Variants in ELF2 observed in about 807,000 individuals in gnomAD.
ELF2 encodes E74 like ETS transcription factor 2.
In ELF2, 11 loss-of-function variants were observed where a neutral mutation model predicts 54.8. The ratio of observed to expected loss-of-function variants is 0.20; its 90% CI spans 0.13 to 0.33. The LOEUF is 0.33. Among genes scored for constraint, ELF2 ranks in the 10% least tolerant of loss-of-function variants. The pLI is 1.00. For synonymous variants in ELF2, 203 were observed against 245.1 expected (o/e 0.83, Z 1.61); for missense variants, 513 against 703.0 (o/e 0.73, Z 3.06).
chr4:139,087,330 G>A (rs554029844), intron 4 of ELF2, among the ~76,000 whole-genome samples: 20 of 152,282 alleles, frequency 1.3e-4, no homozygotes, highest in Non-Finnish European at 2.5e-4. Flanking sequence ...ATCAAGGCTG[G>A]TCATCAACTC....
intron 6 of ELF2, among the ~76,000 whole-genome samples, chr4:139,071,138 T>C (rs908618409): frequency 1.3e-5 from 2 of 152,158 alleles, no homozygotes; most frequent in Admixed American, 6.5e-5. Flanking sequence ...GTGGAAATGC[T>C]CTTTACCCAC....
intron 3 of ELF2, among the ~76,000 whole-genome samples, chr4:139,135,631 GAATT>G (rs1472087864): frequency 3.3e-5 from 5 of 152,194 alleles, no homozygotes; most frequent in African/African-American, 1.2e-4. Context: ...GTTAAGTGGT[GAATT>G]AATATTAGTC....
At chr4:139,114,469 T>C (rs1202000187) in intron 4 of ELF2, among the ~76,000 whole-genome samples, 1 of 151,558 alleles carries the variant, frequency 6.6e-6, no homozygotes, top group Admixed American at 6.6e-5. Flanking sequence ...CTCAGGAGGC[T>C]GAGGCAGGAG....
intron 4 of ELF2, among the ~76,000 whole-genome samples, chr4:139,105,325 C>T (rs998289818): frequency 1.3e-5 from 2 of 152,026 alleles, no homozygotes; most frequent in Non-Finnish European, 2.9e-5. Context: ...AGAGACTTTG[C>T]CTTTCTTGTC....
chr4:139,061,545 AAAAC>A (rs1727858926), intron 8 of ELF2, among the ~76,000 whole-genome samples: 3 of 152,226 alleles, frequency 2.0e-5, no homozygotes, highest in Admixed American at 6.5e-5. Flanking sequence ...TAAAAACTAA[AAAAC>A]AAACTAACTT....
At chr4:139,088,292 A>T (rs2148749683) in intron 4 of ELF2, among the ~76,000 whole-genome samples, 1 of 151,940 alleles carries the variant, frequency 6.6e-6, no homozygotes, top group East Asian at 1.9e-4. Flanking sequence ...TCTAAAAAAA[A>T]AAAAAAAAAA....
At chr4:139,078,641 A>G (rs1309345886) in intron 4 of ELF2, among the ~76,000 whole-genome samples, 1 of 151,736 alleles carries the variant, frequency 6.6e-6, no homozygotes, top group Non-Finnish European at 1.5e-5. Context: ...GAGATCAGCC[A>G]GAAATTAAGT....
chr4:139,103,668 T>C (rs972515830), intron 4 of ELF2, among the ~76,000 whole-genome samples: 1 of 152,212 alleles, frequency 6.6e-6, no homozygotes, highest in Admixed American at 6.5e-5. Flanking sequence ...GGTAAATGTG[T>C]TTCTCAGAGG....
chr4:139,155,249 C>T (rs1369251169), intron 1 of ELF2: 1 of 151,788 alleles, frequency 6.6e-6, no homozygotes, highest in African/African-American at 2.4e-5. Context: ...CTACGCCAAT[C>T]ATATATCAAC....
chr4:139,119,036 AAAC>A (rs1422401201), intron 4 of ELF2, among the ~76,000 whole-genome samples: 4 of 152,216 alleles, frequency 2.6e-5, no homozygotes, highest in Non-Finnish European at 5.9e-5. Context: ...AAACAAAACA[AAAC>A]AAAACTCAGA....
chr4:139,110,756 G>A (rs1013633158), intron 4 of ELF2, among the ~76,000 whole-genome samples: 2 of 152,124 alleles, frequency 1.3e-5, no homozygotes, highest in Non-Finnish European at 2.9e-5. Context: ...ATGAGAACTT[G>A]TCACTAATAG....
At chr4:139,123,439 C>A (rs1400208626) in intron 4 of ELF2, among the ~76,000 whole-genome samples, 4 of 152,028 alleles carry the variant, frequency 2.6e-5, no homozygotes, top group Admixed American at 2.6e-4. Flanking sequence ...ATATCATTAC[C>A]CTCAGAGTTC....
chr4:139,123,466 T>TA (rs1736602541), intron 4 of ELF2, among the ~76,000 whole-genome samples: 1 of 152,060 alleles, frequency 6.6e-6, no homozygotes, highest in South Asian at 2.1e-4. Context: ...ACTAAGAAAA[T>TA]AAAATCCCTT....
intron 3 of ELF2, among the ~76,000 whole-genome samples, chr4:139,128,524 C>CT (rs572395535): frequency 0.014 from 2,008 of 139,886 alleles, 14 homozygotes; most frequent in Non-Finnish European, 0.016. Context: ...TATTTTTTTG[C>CT]TTTTTTTTTT....
intron 4 of ELF2, among the ~76,000 whole-genome samples, chr4:139,085,497 A>G (rs533535482): frequency 6.6e-4 from 100 of 152,328 alleles, no homozygotes; most frequent in African/African-American, 2.1e-3. Context: ...TATTAATGCG[A>G]TATCATCTTA....
rs1272386377 is a variant in ELF2, at chr4:139,057,607, C to G, written c.*1376G>C. On this transcript the variant is annotated 3_prime_UTR_variant, in exon 10 of 10. Transcript: ENST00000686138. ...GAAACAAATGGTTTAAAGTGTTTTA[C>G]AAATATAAATTCTTTAAGTGCAGCC... 2 of 152,050 alleles carry G rather than the reference C, an allele frequency of 1.3e-5. No individual in the cohort carries two copies. Among genetic ancestry groups the G allele is most frequent in the African/African-American group, 2.4e-5 (1 of 41,396 alleles). 9.4% of individuals were successfully genotyped at this position (152,050 alleles called of 1,614,324 possible). A position where few individuals can be genotyped will look rare whatever the true frequency, so the allele number is the denominator to read the frequency against.
Position 139,058,307 on chromosome 4 carries a change from CACAA to C in ELF2, c.*672_*675del, listed in dbSNP as rs1380306034. On this transcript the variant is annotated 3_prime_UTR_variant, in exon 10 of 10. Transcript: ENST00000686138. The stretch of plus-strand genomic sequence containing the variant: ...TTTTTCTTTTAATAAAAAAGCTTTA[CACAA>C]ACAAGCCATTAGCTTATTTCAAGAA... 6 of 151,334 alleles carry C rather than the reference CACAA, an allele frequency of 4.0e-5. No individual in the cohort carries two copies. The highest frequency in any genetic ancestry group is 2.0e-4 in the Admixed American group (3 of 15,190). 9.4% of individuals were successfully genotyped at this position (151,334 alleles called of 1,614,324 possible).
chr4:139,093,639 C>G (rs186044823), intron 4 of ELF2, among the ~76,000 whole-genome samples: 4 of 152,180 alleles, frequency 2.6e-5, no homozygotes, highest in Admixed American at 6.5e-5. Flanking sequence ...ATCAACTGAC[C>G]ATATTAATAG....
chr4:139,119,657 A>T (rs1436328421), intron 4 of ELF2, among the ~76,000 whole-genome samples: 1 of 152,190 alleles, frequency 6.6e-6, no homozygotes, highest in East Asian at 1.9e-4. Flanking sequence ...CGGGTACCTT[A>T]TATTTGCCTA....
Sources: gnomAD v4.1 joint callset for allele counts (sites outside exome capture counted in the v4.1 genomes callset) on GRCh38, gnomAD v4.1.1 for gene constraint, MANE v1.5 for transcripts, NCBI Gene and HGNC (gene_info 2026-07-23, HGNC 2026-07-21) for gene names.